NAALADL2: variants seen among roughly 807,000 people sequenced by gnomAD.
The protein encoded by NAALADL2 is inactive N-acetylated-alpha-linked acidic dipeptidase-like protein 2.
A neutral mutation model predicts 87.2 loss-of-function variants in NAALADL2; 76 were observed. The observed-to-expected ratio is 0.87, with a 90% CI of 0.72 to 1.05. NAALADL2 has a LOEUF of 1.05. NAALADL2 is among the 50% of genes least tolerant of loss of function. The pLI, the probability that NAALADL2 is intolerant of heterozygous loss-of-function variation, is 0.00. For synonymous variants in NAALADL2, 354 were observed against 331.0 expected (o/e 1.07, Z -0.75); for missense variants, 1,089 against 945.8 (o/e 1.15, Z -1.99).
intron 4 of NAALADL2, among the ~76,000 whole-genome samples, chr3:175,313,069 C>T (rs574032067): frequency 1.3e-5 from 2 of 152,088 alleles, no homozygotes; most frequent in African/African-American, 4.8e-5. Context: ...TCTCCTAAGG[C>T]CTTTCTCCTA....
intron 1 of NAALADL2, among the ~76,000 whole-genome samples, chr3:174,521,004 TAAAA>T (rs538580463): frequency 2.0e-5 from 3 of 151,222 alleles, no homozygotes; most frequent in African/African-American, 4.9e-5. Flanking sequence ...TATTAAAAAA[TAAAA>T]AAAACAGGTG....
intron 11 of NAALADL2, among the ~76,000 whole-genome samples, chr3:175,703,421 T>C (rs999921178): frequency 2.0e-5 from 3 of 152,190 alleles, no homozygotes; most frequent in Non-Finnish European, 4.4e-5. Context: ...ATTAATGTTT[T>C]CGTTAAGTAC....
chr3:174,957,862 G>GA (rs1444804725), intron 1 of NAALADL2, among the ~76,000 whole-genome samples: 2 of 151,920 alleles, frequency 1.3e-5, no homozygotes, highest in Non-Finnish European at 2.9e-5. Flanking sequence ...TAAACAGGAA[G>GA]ACCAGGATTC....
intron 1 of NAALADL2, among the ~76,000 whole-genome samples, chr3:174,996,903 A>G (rs923556377): frequency 3.3e-5 from 5 of 151,844 alleles, no homozygotes; most frequent in African/African-American, 1.2e-4. Context: ...TTTTCCATTC[A>G]TGAGCTACTT....
At chr3:175,622,891 T>C (rs1726427531) in intron 10 of NAALADL2, among the ~76,000 whole-genome samples, 1 of 151,942 alleles carries the variant, frequency 6.6e-6, no homozygotes. Context: ...CTTAAACAGA[T>C]GAGTAGGAGA....
intron 2 of NAALADL2, among the ~76,000 whole-genome samples, chr3:174,703,532 G>A (rs1729760195): frequency 6.6e-6 from 1 of 151,900 alleles, no homozygotes; most frequent in African/African-American, 2.4e-5. Flanking sequence ...ATAATAAGTG[G>A]GTCGTCATCT....
chr3:175,217,429 T>G lies in NAALADL2; in HGVS notation c.546-16502T>G, dbSNP rs191037871. Among the ~76,000 whole-genome samples the G allele has an allele frequency of 4.6e-5, 7 of 152,364 alleles. No individual in the cohort carries two copies. In the East Asian group the frequency reaches 1.4e-3, roughly 29 times the overall value. On this transcript the variant is annotated intron_variant, in intron 2 of 13. Transcript: ENST00000454872. ...AGGAATCAAATGTTTTTTATTGTGT[T>G]CATTTCACATGTACCAAAAATTAGT... is the stretch of plus-strand genomic sequence containing the variant.
At chr3:175,583,886 G>A (rs1047870570) in intron 10 of NAALADL2, among the ~76,000 whole-genome samples, 2 of 152,120 alleles carry the variant, frequency 1.3e-5, no homozygotes, top group African/African-American at 4.8e-5. Flanking sequence ...AATGATAAAG[G>A]CAAGGTAGAG....
At chr3:174,825,823 T>C (rs1323911350) in intron 3 of NAALADL2, among the ~76,000 whole-genome samples, 2 of 152,088 alleles carry the variant, frequency 1.3e-5, no homozygotes, top group Non-Finnish European at 1.5e-5. Context: ...GTCAGGAGAT[T>C]GAGACCATCC....
At chr3:175,475,952 G>C (rs760360362) in intron 9 of NAALADL2, among the ~76,000 whole-genome samples, 7 of 152,076 alleles carry the variant, frequency 4.6e-5, no homozygotes, top group Non-Finnish European at 8.8e-5. Flanking sequence ...CAAACTCCCG[G>C]TCTCAAGTGA....
chr3:175,806,185 T>C lies in NAALADL2; in HGVS notation c.*2982T>C, dbSNP rs1754685762. ...TTTAATTCAAGGCTAGTTCATTCTC[T>C]GACTGTACCTGACAAACAAAACTCT... On this transcript the variant is annotated 3_prime_UTR_variant, in exon 14 of 14. Transcript: ENST00000454872. The C allele has an allele frequency of 6.6e-6, 1 of 151,866 alleles. No individual in the cohort carries two copies. The highest frequency in any genetic ancestry group is 6.6e-5 in the Admixed American group (1 of 15,220). The allele number at this position is 151,866 out of a possible 1,614,324, so 9.4% of individuals were successfully genotyped here.
chr3:175,718,203 T>G (rs1266139051), intron 11 of NAALADL2: 7 of 616,374 alleles, frequency 1.1e-5, no homozygotes, highest in African/African-American at 2.1e-5. Flanking sequence ...TGGTTTTTTT[T>G]TTTTTTTTTT....
At chr3:175,628,353 C>T (rs998433051) in intron 11 of NAALADL2, among the ~76,000 whole-genome samples, 1 of 151,562 alleles carries the variant, frequency 6.6e-6, no homozygotes, top group African/African-American at 2.4e-5. Context: ...TCATTTTCAA[C>T]AGGTATTTTC....
intron 4 of NAALADL2, among the ~76,000 whole-genome samples, chr3:175,257,371 G>GTT (rs147239726): frequency 0.019 from 2,754 of 147,916 alleles, 38 homozygotes; most frequent in African/African-American, 0.035. Flanking sequence ...TCCTATGTCT[G>GTT]TTTTTTTTTT....
chr3:175,685,914 C>T (rs942298264), intron 11 of NAALADL2, among the ~76,000 whole-genome samples: 3 of 152,174 alleles, frequency 2.0e-5, no homozygotes, highest in Non-Finnish European at 2.9e-5. Flanking sequence ...TTAAAATTAA[C>T]GTCAAAGCAC....
chr3:174,891,637 C>G (rs1026017263), intron 1 of NAALADL2, among the ~76,000 whole-genome samples: 1 of 152,166 alleles, frequency 6.6e-6, no homozygotes, highest in African/African-American at 2.4e-5. Flanking sequence ...TCACTGATCA[C>G]ACAGGTCTGA....
intron 1 of NAALADL2, among the ~76,000 whole-genome samples, chr3:174,467,333 G>A (rs1488453775): frequency 1.3e-5 from 2 of 152,134 alleles, no homozygotes; most frequent in South Asian, 2.1e-4. Flanking sequence ...GGTGGCTCAC[G>A]CCTGTAATCC....
rs146356561 is a variant in NAALADL2 at position 175,384,390 on chromosome 3, T to C, written c.1090+60065T>C. Among the ~76,000 whole-genome samples, 295 of 152,190 alleles carry C rather than the reference T, an allele frequency of 1.9e-3. 1 individual carries two copies. Among genetic ancestry groups the C allele is most frequent in the African/African-American group, 6.8e-3 (282 of 41,568 alleles). Reference sequence around the variant, plus strand: ...TTTCTTGGAATGTTATATTGGAAAATTTGAACAGTGCACACAATTTGGAAA... The same window carrying C: ...TTTCTTGGAATGTTATATTGGAAAACTTGAACAGTGCACACAATTTGGAAA... On this transcript the variant is annotated intron_variant, in intron 5 of 13. Coordinates refer to ENST00000454872, the MANE Select transcript of NAALADL2 (RefSeq NM_207015.3).
intron 9 of NAALADL2, among the ~76,000 whole-genome samples, chr3:175,572,069 C>G (rs897270799): frequency 6.6e-6 from 1 of 152,002 alleles, no homozygotes; most frequent in Non-Finnish European, 1.5e-5. Flanking sequence ...TGAGTTAAGT[C>G]CTCTGCAAGG....
Sources: gnomAD v4.1 joint callset for allele counts (sites outside exome capture counted in the v4.1 genomes callset) on GRCh38, gnomAD v4.1.1 for gene constraint, MANE v1.5 for transcripts, NCBI Gene and HGNC (gene_info 2026-07-23, HGNC 2026-07-21) for gene names.